The following MYRIP variants were observed in gnomAD, a reference collection of about 807,000 sequenced individuals.
MYRIP encodes the protein myosin VIIA and Rab interacting protein, also known as rab effector MyRIP.
Under a neutral mutation model 98.0 loss-of-function variants are expected in MYRIP, and 49 were observed. That is an observed-to-expected ratio of 0.50 (90% CI 0.40 to 0.63). The LOEUF (loss-of-function observed/expected upper bound fraction) is 0.63, where lower values mean the gene tolerates loss of function less well. MYRIP is among the 30% of genes least tolerant of loss of function. The probability of loss-of-function intolerance (pLI) is 0.00; values close to 1 mark genes in which losing one functional copy is unlikely to be tolerated. For synonymous variants in MYRIP, 404 were observed against 409.5 expected, an observed-to-expected ratio of 0.99 and a Z score of 0.16; for missense variants, 1,004 against 1,058.2, an observed-to-expected ratio of 0.95 and a Z score of 0.71.
At chr3:40,051,763 T>A (rs1947799767) in intron 3 of MYRIP, among the ~76,000 whole-genome samples, 1 of 152,210 alleles carries the variant, frequency 6.6e-6, no homozygotes, top group South Asian at 2.1e-4. Context: ...TTCTTTTCTT[T>A]TTCCTTGGAA....
chr3:40,259,185 CTG>C lies in MYRIP; in HGVS notation c.*1022_*1023del, dbSNP rs1331057204. 1.2e-4 allele frequency: 18 copies of C among 152,332 alleles called. No homozygotes were observed. Among genetic ancestry groups the C allele is most frequent in the South Asian group, 1.0e-3 (5 of 4,828 alleles). 9.4% of individuals were successfully genotyped at this position (152,332 alleles called of 1,614,324 possible). ...TAGGTATAAAAAATTCAAGGACAAA[CTG>C]TGCATTTAATGGACACAAGAATTGA... On this transcript the variant is annotated 3_prime_UTR_variant, in exon 17 of 17. Coordinates refer to ENST00000302541, the MANE Select transcript of MYRIP (RefSeq NM_015460.4).
At chr3:39,984,312 G>A (rs1945974318) in intron 2 of MYRIP, among the ~76,000 whole-genome samples, 1 of 151,740 alleles carries the variant, frequency 6.6e-6, no homozygotes. Flanking sequence ...TGCCATGCTG[G>A]TGCGCTGCAC....
Position 40,210,078 on chromosome 3 carries a change from GGAAGAGCTGAA to G in MYRIP, c.1895_1905del (p.Leu633ValfsTer39). ...CTGAAGACAACAGCCAGAGTGTCCA[GGAAGAGCTGAA>G]GAAGGTAAGGGCTGTGAAGCCACCT... is the stretch of plus-strand genomic sequence containing the variant. On this transcript the variant is annotated frameshift_variant, in exon 11 of 17. Coordinates refer to ENST00000302541, the MANE Select transcript of MYRIP (RefSeq NM_015460.4). LOFTEE classifies it high-confidence loss of function. 6.2e-7 allele frequency: 1 copy of G among 1,613,890 alleles called. No homozygotes were observed.
chr3:40,009,459 A>G (rs1259595564), intron 2 of MYRIP, among the ~76,000 whole-genome samples: 3 of 151,872 alleles, frequency 2.0e-5, no homozygotes, highest in South Asian at 4.2e-4. Context: ...GATGGTCTTG[A>G]TCTCCTGACC....
At chr3:40,137,111 GATC>G (rs1398703957) in intron 3 of MYRIP, among the ~76,000 whole-genome samples, 3 of 152,114 alleles carry the variant, frequency 2.0e-5, no homozygotes. Flanking sequence ...TTTTTGAAAA[GATC>G]AACAAAATTG....
rs796495636 is a variant in MYRIP, at chr3:40,153,333, T to C, written c.469+2149T>C. On this transcript the variant is annotated intron_variant, in intron 4 of 16. Coordinates refer to ENST00000302541, the MANE Select transcript of MYRIP (RefSeq NM_015460.4). ...CTACAAGCTACACAGGAAATTTAGTTAGACTTCAAGTATAGAGAAATCTTC... is the reference window on the plus strand; with the variant it reads ...CTACAAGCTACACAGGAAATTTAGTCAGACTTCAAGTATAGAGAAATCTTC... 6.1e-4 allele frequency among the ~76,000 whole-genome samples: 93 copies of C among 152,302 alleles called. 1 individual carries two copies. Among genetic ancestry groups the C allele is most frequent in the African/African-American group, 2.1e-3 (89 of 41,580 alleles).
chr3:40,141,649 A>C (rs1235944971), intron 3 of MYRIP, among the ~76,000 whole-genome samples: 4 of 152,190 alleles, frequency 2.6e-5, no homozygotes, highest in African/African-American at 9.7e-5. Context: ...GTCTAGTTTC[A>C]TAATTCTGTA....
chr3:40,127,353 G>C (rs4676573), intron 3 of MYRIP, among the ~76,000 whole-genome samples: 11,148 of 152,126 alleles, frequency 0.073, 805 homozygotes, highest in African/African-American at 0.18. Context: ...ACTTGCTTTT[G>C]GTCACTTCGG....
At chr3:39,849,464 G>T (rs566792356) in intron 1 of MYRIP, among the ~76,000 whole-genome samples, 2 of 152,288 alleles carry the variant, frequency 1.3e-5, no homozygotes, top group South Asian at 4.1e-4. Context: ...GTTTTCTCCG[G>T]TCCACGGGAT....
At chr3:39,810,146 G>A (rs1940621406) in intron 1 of MYRIP, among the ~76,000 whole-genome samples, 1 of 152,216 alleles carries the variant, frequency 6.6e-6, no homozygotes. Context: ...CGCGGAGCCA[G>A]AATCGCCTCT....
intron 3 of MYRIP, among the ~76,000 whole-genome samples, chr3:40,059,475 C>T (rs1947957783): frequency 6.6e-6 from 1 of 152,168 alleles, no homozygotes; most frequent in Admixed American, 6.5e-5. Context: ...GATCACCATT[C>T]TAACTGGCAT....
In MYRIP at chr3:40,036,324, A is replaced by AAAAAAAAAAAAC. The variant is rs1553607293; in HGVS notation, c.111-7726_111-7725insAAAAAAAAAAAC. On this transcript the variant is annotated intron_variant, in intron 2 of 16. Coordinates refer to ENST00000302541, the MANE Select transcript of MYRIP (RefSeq NM_015460.4). ...TACCAAAAAAAAAAAAAAAAAAAAA[A>AAAAAAAAAAAAC]CTTTATTCAAAATGAGCTGTCAACT... is the stretch of plus-strand genomic sequence containing the variant. Among the ~76,000 whole-genome samples the AAAAAAAAAAAAC allele has an allele frequency of 6.4e-5, 8 of 125,654 alleles. 1 individual carries two copies. Among genetic ancestry groups the AAAAAAAAAAAAC allele is most frequent in the African/African-American group, 1.4e-4 (5 of 34,662 alleles). The allele number at this position is 125,654 out of a possible 152,430, so 82.4% of individuals were successfully genotyped here.
At chr3:39,968,857 C>T (rs1164648310) in intron 2 of MYRIP, among the ~76,000 whole-genome samples, 1 of 151,996 alleles carries the variant, frequency 6.6e-6, no homozygotes. Context: ...TCTAGTTCTA[C>T]AAAGAATGTC....
intron 2 of MYRIP, among the ~76,000 whole-genome samples, chr3:40,004,585 C>A (rs1329155586): frequency 6.6e-6 from 1 of 152,110 alleles, no homozygotes; most frequent in Non-Finnish European, 1.5e-5. Context: ...GTCACCCGAG[C>A]AGTATACACT....
intron 9 of MYRIP, among the ~76,000 whole-genome samples, chr3:40,185,721 A>C (rs989200034): frequency 7.2e-5 from 11 of 152,148 alleles, no homozygotes; most frequent in Admixed American, 7.2e-4. Context: ...AATGGGTCAA[A>C]TGCCACCTCA....
intron 2 of MYRIP, among the ~76,000 whole-genome samples, chr3:39,932,686 A>T (rs1184254197): frequency 6.6e-6 from 1 of 152,038 alleles, no homozygotes; most frequent in African/African-American, 2.4e-5. Flanking sequence ...ATGTTCATTG[A>T]CCTGGTCTGT....
At chr3:40,235,540 G>C (rs150533059) in intron 12 of MYRIP, among the ~76,000 whole-genome samples, 68 of 152,326 alleles carry the variant, frequency 4.5e-4, no homozygotes, top group African/African-American at 1.5e-3. Context: ...CTGCTTTCAA[G>C]AGAAAGACAC....
At chr3:40,184,227 G>A (rs138820898) in intron 9 of MYRIP, among the ~76,000 whole-genome samples, 3 of 151,878 alleles carry the variant, frequency 2.0e-5, no homozygotes, top group Non-Finnish European at 4.4e-5. Context: ...CTTTCTCTAT[G>A]GATTGCAAAT....
intron 10 of MYRIP, among the ~76,000 whole-genome samples, chr3:40,195,198 T>C (rs1214525680): frequency 6.6e-6 from 1 of 152,248 alleles, no homozygotes; most frequent in African/African-American, 2.4e-5. Context: ...ATCAAAATGA[T>C]AAATTATCTA....
Sources: allele counts gnomAD v4.1 joint callset (sites outside exome capture counted in the v4.1 genomes callset), GRCh38; gene constraint gnomAD v4.1.1; transcripts MANE v1.5; gene names NCBI Gene and HGNC (gene_info 2026-07-23, HGNC 2026-07-21).